Variants in ALDH8A1 observed in about 807,000 individuals in gnomAD.
ALDH8A1 encodes the protein aldehyde dehydrogenase 8 family member A1.
A neutral mutation model predicts 43.3 loss-of-function variants in ALDH8A1; 39 were observed. That is an observed-to-expected ratio of 0.90 (90% CI 0.70 to 1.18). ALDH8A1 has a LOEUF of 1.18. Among genes scored for constraint, ALDH8A1 ranks in the 50% most tolerant of loss-of-function variants. The probability of loss-of-function intolerance (pLI) is 0.00; values close to 1 mark genes in which losing one functional copy is unlikely to be tolerated. For synonymous variants in ALDH8A1, 233 were observed against 243.5 expected (o/e 0.96, Z 0.40); for missense variants, 605 against 622.6 (o/e 0.97, Z 0.30).
chr6:134,923,489 T>C (rs1369082000), intron 6 of ALDH8A1, among the ~76,000 whole-genome samples: 1 of 152,184 alleles, frequency 6.6e-6, no homozygotes, highest in Non-Finnish European at 1.5e-5. Context: ...CTGCTAAGAT[T>C]CATCATTTCC....
intron 1 of ALDH8A1, among the ~76,000 whole-genome samples, chr6:134,945,292 C>G (rs1231644990): frequency 6.6e-6 from 1 of 152,156 alleles, no homozygotes; most frequent in Non-Finnish European, 1.5e-5. Flanking sequence ...AATCAGGACT[C>G]AAACCCAGAT....
Position 134,939,418 on chromosome 6 carries a change from A to G in ALDH8A1, c.443-3T>C. On this transcript the variant is annotated splice_polypyrimidine_tract_variant and splice_region_variant and intron_variant, in intron 3 of 6. Coordinates refer to ENST00000265605, the MANE Select transcript of ALDH8A1 (RefSeq NM_022568.4). ...ATTCCAGGGGCTGATCAGACCAGCT[A>G]AGGGATGAGAGCAGAAGCACTGCCT... The G allele has an allele frequency of 6.2e-7, 1 of 1,613,586 alleles. No homozygotes were observed. Among genetic ancestry groups the G allele is most frequent in the Non-Finnish European group, 8.5e-7 (1 of 1,179,918 alleles).
intron 3 of ALDH8A1, among the ~76,000 whole-genome samples, chr6:134,939,839 A>G (rs1330146821): frequency 6.6e-6 from 1 of 152,242 alleles, no homozygotes; most frequent in African/African-American, 2.4e-5. Flanking sequence ...CTCATCAATA[A>G]TGGATTGGAT....
chr6:134,945,595 C>A (rs553405282), intron 1 of ALDH8A1, among the ~76,000 whole-genome samples: 35 of 152,180 alleles, frequency 2.3e-4, no homozygotes, highest in Middle Eastern at 6.8e-3. Context: ...TAACCCATGT[C>A]TCACTCCTCT....
chr6:134,922,591 T>C (rs1241795576), intron 6 of ALDH8A1, among the ~76,000 whole-genome samples: 1 of 152,040 alleles, frequency 6.6e-6, no homozygotes, highest in Non-Finnish European at 1.5e-5. Flanking sequence ...TTTCACCACG[T>C]TGGCCAGGCT....
intron 6 of ALDH8A1, among the ~76,000 whole-genome samples, chr6:134,924,874 A>G (rs1022068735): frequency 2.6e-5 from 4 of 152,252 alleles, no homozygotes; most frequent in Non-Finnish European, 5.9e-5. Flanking sequence ...TCACCAAAAC[A>G]CAAAACTAAA....
intron 1 of ALDH8A1, among the ~76,000 whole-genome samples, chr6:134,947,054 A>T (rs188654593): frequency 6.6e-6 from 1 of 152,362 alleles, no homozygotes; most frequent in Non-Finnish European, 1.5e-5. Flanking sequence ...GAAACAGAAT[A>T]GAGAATCCAG....
chr6:134,920,539 T>G (rs1432811091), intron 6 of ALDH8A1, among the ~76,000 whole-genome samples: 1 of 152,198 alleles, frequency 6.6e-6, no homozygotes, highest in Non-Finnish European at 1.5e-5. Flanking sequence ...TAGACCATTA[T>G]GTCGAATGTG....
chr6:134,921,671 G>A (rs986446229), intron 6 of ALDH8A1, among the ~76,000 whole-genome samples: 11 of 152,196 alleles, frequency 7.2e-5, no homozygotes, highest in African/African-American at 2.2e-4. Flanking sequence ...GAGGTAGGGC[G>A]GACACGAAAA....
rs1401856077 is a variant in ALDH8A1, at chr6:134,932,842, G to T, written c.783C>A (p.Ile261=). The change falls in exon 5 of 7, where the codon ATC becomes ATA. Residue 261 remains isoleucine, a synonymous_variant. Transcript: ENST00000265605. ...SLELGGKNPA[I]IFEDANLDEC... is the part of the protein sequence containing the mutation. ...CATCCAGGTTGGCGTCCTCAAAGAT[G>T]ATGGCAGGATTCTTGCCCCCCAGCT... 15 of 1,614,112 alleles carry T rather than the reference G, an allele frequency of 9.3e-6. No individual in the cohort carries two copies. Among genetic ancestry groups the T allele is most frequent in the Non-Finnish European group, 1.3e-5 (15 of 1,180,048 alleles).
intron 6 of ALDH8A1, among the ~76,000 whole-genome samples, chr6:134,927,670 G>C (rs1456578250): frequency 6.6e-6 from 1 of 152,170 alleles, no homozygotes; most frequent in South Asian, 2.1e-4. Context: ...CTGTTGAGTT[G>C]ATACAGAAAG....
Position 134,942,434 on chromosome 6 carries a change from G to A in ALDH8A1, c.417C>T (p.Tyr139=), listed in dbSNP as rs1028168544. 7 of 1,614,020 alleles carry A rather than the reference G, an allele frequency of 4.3e-6. No homozygotes were observed. The highest frequency in any genetic ancestry group is 1.3e-5 in the African/African-American group (1 of 74,930). ...CGACTCCCACCGGGGCCCGCACCGT[G>A]TAGTGCATGCAGCCCAGGTGGTCCA... ...TQMDHLGCMH[Y]TVRAPVGVAG... The change falls in exon 3 of 7, where the codon TAC becomes TAT. Residue 139 remains tyrosine, a synonymous_variant. Coordinates refer to ENST00000265605, the MANE Select transcript of ALDH8A1 (RefSeq NM_022568.4).
At chr6:134,934,621 A>G (rs1773697402) in intron 4 of ALDH8A1, among the ~76,000 whole-genome samples, 1 of 152,124 alleles carries the variant, frequency 6.6e-6, no homozygotes, top group Non-Finnish European at 1.5e-5. Flanking sequence ...GTGATCCAGA[A>G]TTCATGTCCA....
At chr6:134,942,001 C>T (rs1773864674) in intron 3 of ALDH8A1, among the ~76,000 whole-genome samples, 1 of 151,942 alleles carries the variant, frequency 6.6e-6, no homozygotes, top group Non-Finnish European at 1.5e-5. Context: ...GGGAGGATAA[C>T]TTGAGGTCAG....
chr6:134,940,647 T>C (rs894265678), intron 3 of ALDH8A1, among the ~76,000 whole-genome samples: 1 of 152,220 alleles, frequency 6.6e-6, no homozygotes, highest in Non-Finnish European at 1.5e-5. Context: ...AGCTAGAATG[T>C]GTCTCCATGC....
intron 5 of ALDH8A1, among the ~76,000 whole-genome samples, chr6:134,929,896 A>G (rs1202855540): frequency 6.6e-6 from 1 of 152,218 alleles, no homozygotes; most frequent in African/African-American, 2.4e-5. Context: ...GCCATGGGAA[A>G]ATAGGATGGA....
intron 4 of ALDH8A1, among the ~76,000 whole-genome samples, chr6:134,937,364 A>G (rs991885995): frequency 6.6e-6 from 1 of 152,174 alleles, no homozygotes; most frequent in African/African-American, 2.4e-5. Flanking sequence ...ATTCCTTCCA[A>G]TCCCAGTGGA....
At chr6:134,948,574 T>C (rs1773992554) in intron 1 of ALDH8A1, among the ~76,000 whole-genome samples, 1 of 152,174 alleles carries the variant, frequency 6.6e-6, no homozygotes, top group Non-Finnish European at 1.5e-5. Flanking sequence ...AAGCAAAAGT[T>C]GAATAAACGG....
At chr6:134,935,614 C>T (rs568246240) in intron 4 of ALDH8A1, among the ~76,000 whole-genome samples, 1 of 152,238 alleles carries the variant, frequency 6.6e-6, no homozygotes, top group South Asian at 2.1e-4. Flanking sequence ...TCAGGCCTGA[C>T]CTACGGTAGG....
Sources: allele counts gnomAD v4.1 joint callset (sites outside exome capture counted in the v4.1 genomes callset), GRCh38; gene constraint gnomAD v4.1.1; transcripts MANE v1.5; gene names NCBI Gene and HGNC (gene_info 2026-07-23, HGNC 2026-07-21).